Variants in KCNMA1 observed in about 807,000 individuals in gnomAD.
KCNMA1 encodes the protein Calcium-activated potassium channel subunit alpha-1.
Under a neutral mutation model 140.0 loss-of-function variants are expected in KCNMA1, and 29 were observed. The ratio of observed to expected loss-of-function variants is 0.21; its 90% confidence interval spans 0.15 to 0.28. KCNMA1 has a LOEUF of 0.28. Ranked by LOEUF, KCNMA1 falls within the 10% of genes least tolerant of loss-of-function variation. The probability of loss-of-function intolerance (pLI) is 1.00; values close to 1 mark genes in which losing one functional copy is unlikely to be tolerated. For synonymous variants in KCNMA1, 612 were observed against 611.9 expected (o/e 1.00, Z 0.00); for missense variants, 880 against 1,602.2 (o/e 0.55, Z 7.70).
intron 1 of KCNMA1, among the ~76,000 whole-genome samples, chr10:77,562,178 G>A (rs1005233019): frequency 1.6e-4 from 25 of 152,174 alleles, no homozygotes; most frequent in African/African-American, 6.0e-4. Flanking sequence ...GTGCATGCAC[G>A]GGGCCCAGCC....
intron 21 of KCNMA1, among the ~76,000 whole-genome samples, chr10:76,950,326 G>C (rs924265025): frequency 1.3e-5 from 2 of 152,158 alleles, no homozygotes; most frequent in African/African-American, 4.8e-5. Context: ...ATCATTACAA[G>C]GGGCTAGAGA....
At chr10:77,410,863 A>G (rs1432523821) in intron 1 of KCNMA1, among the ~76,000 whole-genome samples, 2 of 152,140 alleles carry the variant, frequency 1.3e-5, no homozygotes, top group East Asian at 1.9e-4. Flanking sequence ...CACTTTGTCC[A>G]TGAGCTCTCC....
At chr10:77,424,506 GTTCATTCATTCA>G (rs3997977) in intron 1 of KCNMA1, among the ~76,000 whole-genome samples, 2 of 150,228 alleles carry the variant, frequency 1.3e-5, no homozygotes, top group Admixed American at 6.6e-5. Flanking sequence ...GAAGATCTGT[GTTCATTCATTCA>G]TTCATTCATT....
intron 25 of KCNMA1, among the ~76,000 whole-genome samples, chr10:76,900,880 A>G (rs1435040516): frequency 8.0e-6 from 1 of 125,100 alleles, no homozygotes; most frequent in Non-Finnish European, 1.7e-5. Context: ...AGAAATTTTA[A>G]AATGTCCCTA....
At chr10:77,059,564 TA>T (rs2095662650) in intron 14 of KCNMA1, among the ~76,000 whole-genome samples, 1 of 152,144 alleles carries the variant, frequency 6.6e-6, no homozygotes, top group South Asian at 2.1e-4. Context: ...TCATTCAATG[TA>T]ATTTACCATA....
intron 3 of KCNMA1, among the ~76,000 whole-genome samples, chr10:77,236,479 G>A (rs2154216373): frequency 6.6e-6 from 1 of 152,240 alleles, no homozygotes; most frequent in East Asian, 1.9e-4. Context: ...CCCCTCTTCT[G>A]CAGCATCCAA....
intron 5 of KCNMA1, among the ~76,000 whole-genome samples, chr10:77,123,877 G>A (rs1379067438): frequency 2.0e-5 from 3 of 152,118 alleles, no homozygotes; most frequent in Non-Finnish European, 2.9e-5. Flanking sequence ...GCAAGACATC[G>A]GTCTGCCCAC....
intron 1 of KCNMA1, among the ~76,000 whole-genome samples, chr10:77,543,104 C>T (rs542625835): frequency 6.6e-6 from 1 of 152,174 alleles, no homozygotes; most frequent in South Asian, 2.1e-4. Flanking sequence ...GGGCTCAACG[C>T]TTAATTGAGG....
chr10:77,345,700 C>A (rs1365237943), intron 2 of KCNMA1, among the ~76,000 whole-genome samples: 1 of 152,214 alleles, frequency 6.6e-6, no homozygotes, highest in East Asian at 1.9e-4. Flanking sequence ...CTTCAACTGC[C>A]ATGCAAATAC....
At chr10:77,172,371 A>G (rs546577188) in intron 5 of KCNMA1, among the ~76,000 whole-genome samples, 1 of 152,282 alleles carries the variant, frequency 6.6e-6, no homozygotes, top group East Asian at 1.9e-4. Flanking sequence ...ATGCAAATCA[A>G]TGAGGATTTA....
intron 1 of KCNMA1, among the ~76,000 whole-genome samples, chr10:77,528,312 C>T (rs530730639): frequency 1.3e-5 from 2 of 152,154 alleles, no homozygotes; most frequent in Admixed American, 1.3e-4. Context: ...AGGCATATAC[C>T]CCAAATCAAA....
intron 1 of KCNMA1, among the ~76,000 whole-genome samples, chr10:77,621,791 T>C (rs1452685390): frequency 1.3e-5 from 2 of 151,978 alleles, no homozygotes; most frequent in Non-Finnish European, 2.9e-5. Context: ...TAGCCAGGCA[T>C]GATGGTGCAT....
intron 4 of KCNMA1, 35 bp downstream of exon 4, chr10:77,184,788 C>T: frequency 7.9e-7 from 1 of 1,258,870 alleles, no homozygotes; most frequent in Non-Finnish European, 1.2e-6. Flanking sequence ...CTGAAACACC[C>T]CATTGTGATA....
At chr10:77,138,635 C>G (rs1287317392) in intron 5 of KCNMA1, among the ~76,000 whole-genome samples, 3 of 151,978 alleles carry the variant, frequency 2.0e-5, no homozygotes, top group Non-Finnish European at 4.4e-5. Flanking sequence ...GATTACATTG[C>G]TCCCTGCCAA....
chr10:76,925,119 G>A (rs558327184), intron 23 of KCNMA1, among the ~76,000 whole-genome samples: 2 of 151,774 alleles, frequency 1.3e-5, no homozygotes, highest in African/African-American at 4.8e-5. Flanking sequence ...CCCTTTATTC[G>A]TTATTTTAAA....
intron 2 of KCNMA1, among the ~76,000 whole-genome samples, chr10:77,324,971 C>CTCTCTCTCTCTCTGTGTG (rs766240356): frequency 6.3e-4 from 57 of 90,426 alleles, no homozygotes; most frequent in South Asian, 9.6e-4. Context: ...CTCTCTCTCT[C>CTCTCTCTCTCTCTGTGTG]TGTGTGTGTG....
At chr10:77,063,149 C>T (rs761834106) in intron 14 of KCNMA1, among the ~76,000 whole-genome samples, 2 of 152,200 alleles carry the variant, frequency 1.3e-5, no homozygotes, top group Non-Finnish European at 2.9e-5. Context: ...CACGGTGGCT[C>T]ATGCTGTAAT....
At chr10:77,362,559 G>A (rs2094059919) in intron 2 of KCNMA1, among the ~76,000 whole-genome samples, 1 of 152,026 alleles carries the variant, frequency 6.6e-6, no homozygotes, top group Non-Finnish European at 1.5e-5. Flanking sequence ...AATGGCAAGA[G>A]GAAAACACAG....
chr10:77,038,600 C>T (rs562189309), intron 15 of KCNMA1, among the ~76,000 whole-genome samples: 60 of 152,128 alleles, frequency 3.9e-4, no homozygotes, highest in Non-Finnish European at 5.0e-4. Flanking sequence ...AATGCAGTTG[C>T]GTAATCAACC....
Sources: allele counts gnomAD v4.1 joint callset (sites outside exome capture counted in the v4.1 genomes callset), GRCh38; gene constraint gnomAD v4.1.1; transcripts MANE v1.5; gene names NCBI Gene and HGNC (gene_info 2026-07-23, HGNC 2026-07-21).